CNTNAP5: variants seen among roughly 807,000 people sequenced by gnomAD.
The protein encoded by CNTNAP5 is contactin-associated protein-like 5.
A neutral mutation model predicts 150.2 loss-of-function variants in CNTNAP5; 72 were observed. The observed-to-expected ratio is 0.48, with a 90% CI of 0.40 to 0.58. CNTNAP5 has a LOEUF of 0.58. CNTNAP5 is among the 20% of genes least tolerant of loss of function. The pLI, the probability that CNTNAP5 is intolerant of heterozygous loss-of-function variation, is 0.00. For synonymous variants in CNTNAP5, 672 were observed against 619.8 expected, an observed-to-expected ratio of 1.08 and a Z score of -1.25; for missense variants, 1,636 against 1,626.2, an observed-to-expected ratio of 1.01 and a Z score of -0.10.
In CNTNAP5 at chr2:124,706,916, GAGA is replaced by G. The variant is rs796272013; in HGVS notation, c.2078-40289_2078-40287del. Among the ~76,000 whole-genome samples, 70 of 30,030 alleles carry G rather than the reference GAGA, an allele frequency of 2.3e-3. 8 individuals are homozygous for G. The highest frequency in any genetic ancestry group is 3.7e-3 in the Non-Finnish European group (52 of 14,056). The allele number at this position is 30,030 out of a possible 152,430, so 19.7% of individuals were successfully genotyped here. A position where few individuals can be genotyped will look rare whatever the true frequency, so the allele number is the denominator to read the frequency against. ...GAGGAAGAAGAAGGAGGAGGAGGAG[GAGA>G]AGAAGAAGAAGAAGAAGAAGAAGGA... On this transcript the variant is annotated intron_variant, in intron 13 of 23. Transcript: ENST00000682447.
At chr2:124,636,497 T>A (rs1677971968) in intron 12 of CNTNAP5, among the ~76,000 whole-genome samples, 1 of 152,158 alleles carries the variant, frequency 6.6e-6, no homozygotes, top group Non-Finnish European at 1.5e-5. Flanking sequence ...TCATGAAAAT[T>A]AATTCAACAG....
intron 3 of CNTNAP5, among the ~76,000 whole-genome samples, chr2:124,268,042 C>T (rs986206282): frequency 1.3e-5 from 2 of 152,230 alleles, no homozygotes; most frequent in East Asian, 1.9e-4. Flanking sequence ...TCTGTACAAG[C>T]GAAGCACATT....
At chr2:124,882,466 G>A (rs183710118) in intron 21 of CNTNAP5, among the ~76,000 whole-genome samples, 3 of 152,150 alleles carry the variant, frequency 2.0e-5, no homozygotes, top group Admixed American at 1.3e-4. Context: ...TATTCAAAGG[G>A]CATCATTAAA....
chr2:124,070,977 A>C (rs896930996), intron 1 of CNTNAP5, among the ~76,000 whole-genome samples: 2 of 152,046 alleles, frequency 1.3e-5, no homozygotes, highest in Non-Finnish European at 2.9e-5. Flanking sequence ...ATATTCAAAA[A>C]ATGGAAATAA....
intron 1 of CNTNAP5, among the ~76,000 whole-genome samples, chr2:124,043,510 A>G (rs1681445392): frequency 6.6e-6 from 1 of 152,034 alleles, no homozygotes; most frequent in African/African-American, 2.4e-5. Flanking sequence ...CAATCTTTTT[A>G]TATCTTCTTT....
At chr2:124,843,091 A>G (rs562740987) in intron 19 of CNTNAP5, among the ~76,000 whole-genome samples, 1 of 152,176 alleles carries the variant, frequency 6.6e-6, no homozygotes, top group Admixed American at 6.5e-5. Context: ...AGTCCATTGT[A>G]TCATTCTTAT....
intron 3 of CNTNAP5, among the ~76,000 whole-genome samples, chr2:124,301,308 C>CT (rs1688563224): frequency 6.6e-6 from 1 of 152,156 alleles, no homozygotes. Flanking sequence ...ACTATCATGC[C>CT]TTTCACAATT....
chr2:124,065,715 A>G (rs1238561022), intron 1 of CNTNAP5, among the ~76,000 whole-genome samples: 1 of 152,214 alleles, frequency 6.6e-6, no homozygotes, highest in Non-Finnish European at 1.5e-5. Flanking sequence ...ACCAACCAAC[A>G]GAAATAGGAA....
At chr2:124,777,775 ATGTGTGTGTGTGTGTGTGTGTGTG>A (rs35863925) in intron 17 of CNTNAP5, among the ~76,000 whole-genome samples, 16 of 130,688 alleles carry the variant, frequency 1.2e-4, no homozygotes, top group East Asian at 2.4e-4. Flanking sequence ...GAATGGAGGG[ATGTGTGTGTGTGTGTGTGTGTGTG>A]TGTGTGTGTG....
chr2:124,773,937 TGTGTGTGTGTGAGAGA>T (rs1361264815), intron 17 of CNTNAP5, among the ~76,000 whole-genome samples: 3 of 147,226 alleles, frequency 2.0e-5, no homozygotes, highest in African/African-American at 7.9e-5. Flanking sequence ...TGTGTGTGTG[TGTGTGTGTGTGAGAGA>T]GAGAGAGAGA....
intron 15 of CNTNAP5, 77 bp downstream of exon 15, chr2:124,763,876 C>T (rs1573601382): frequency 1.9e-6 from 3 of 1,600,560 alleles, no homozygotes; most frequent in African/African-American, 2.7e-5. Context: ...ATCCCTTTTC[C>T]CTGCAGTGTG....
intron 1 of CNTNAP5, among the ~76,000 whole-genome samples, chr2:124,053,073 T>C (rs1681752426): frequency 7.1e-6 from 1 of 140,116 alleles, no homozygotes. Flanking sequence ...AGCCACATTA[T>C]TCGGAAACCA....
intron 3 of CNTNAP5, among the ~76,000 whole-genome samples, chr2:124,399,311 C>A (rs894862135): frequency 6.6e-6 from 1 of 152,148 alleles, no homozygotes; most frequent in Non-Finnish European, 1.5e-5. Flanking sequence ...GAGCTTACAT[C>A]TTCTCCATAG....
chr2:124,447,367 G>A (rs530712864), intron 6 of CNTNAP5, among the ~76,000 whole-genome samples: 42 of 152,254 alleles, frequency 2.8e-4, no homozygotes, highest in African/African-American at 8.9e-4. Context: ...TCATTCTTCC[G>A]ATGCAAGCTT....
chr2:124,813,066 GCTT>G (rs946992252), intron 19 of CNTNAP5, among the ~76,000 whole-genome samples: 1 of 151,266 alleles, frequency 6.6e-6, no homozygotes, highest in Non-Finnish European at 1.5e-5. Context: ...GGTTTTTTTT[GCTT>G]TTTTTGTTTT....
At chr2:124,653,425 G>C (rs1409009212) in intron 13 of CNTNAP5, among the ~76,000 whole-genome samples, 1 of 150,352 alleles carries the variant, frequency 6.7e-6, no homozygotes, top group African/African-American at 2.4e-5. Context: ...ATAGTATATA[G>C]TATGGATAAA....
intron 11 of CNTNAP5, among the ~76,000 whole-genome samples, chr2:124,602,123 T>C (rs964811944): frequency 6.6e-6 from 1 of 151,994 alleles, no homozygotes. Flanking sequence ...GGCGGGTGGA[T>C]CACGACGTCA....
intron 1 of CNTNAP5, among the ~76,000 whole-genome samples, chr2:124,221,204 A>G (rs1225939901): frequency 6.6e-6 from 1 of 152,166 alleles, no homozygotes; most frequent in African/African-American, 2.4e-5. Flanking sequence ...AGACTTTCAC[A>G]CAACTGGGAA....
intron 8 of CNTNAP5, among the ~76,000 whole-genome samples, chr2:124,514,717 C>T (rs1233551165): frequency 6.6e-6 from 1 of 152,066 alleles, no homozygotes; most frequent in Non-Finnish European, 1.5e-5. Context: ...GATATCACAG[C>T]TTGGTTCTTA....
Sources: gnomAD v4.1 joint callset for allele counts (sites outside exome capture counted in the v4.1 genomes callset) on GRCh38, gnomAD v4.1.1 for gene constraint, MANE v1.5 for transcripts, NCBI Gene and HGNC (gene_info 2026-07-23, HGNC 2026-07-21) for gene names.